HMGCLL1: variants seen among roughly 807,000 people sequenced by gnomAD.
HMGCLL1 encodes 3-hydroxy-3-methylglutaryl-CoA lyase like 1.
A neutral mutation model predicts 39.1 loss-of-function variants in HMGCLL1; 36 were observed. The observed-to-expected ratio is 0.92, with a 90% CI of 0.71 to 1.22. The LOEUF (loss-of-function observed/expected upper bound fraction) is 1.22, where lower values mean the gene tolerates loss of function less well. Among genes scored for constraint, HMGCLL1 ranks in the 50% most tolerant of loss-of-function variants. The pLI is 0.00. For synonymous variants in HMGCLL1, 149 were observed against 144.0 expected (o/e 1.03, Z -0.25); for missense variants, 451 against 416.5 (o/e 1.08, Z -0.72).
rs546783685 is a variant in HMGCLL1 at position 55,501,600 on chromosome 6, T to A, written c.543-2301A>T. 7.8e-4 allele frequency among the ~76,000 whole-genome samples: 118 copies of A among 151,994 alleles called. No individual in the cohort carries two copies. The Middle Eastern group carries it at 0.01, about 13-fold the overall frequency. ...CTGGACTTCTGCTCTTCTCCAACAA[T>A]CTATTACAGTGGTTCTCAACCTTGG... On this transcript the variant is annotated intron_variant, in intron 5 of 8. Transcript: ENST00000274901.
At chr6:55,537,118 G>C (rs1291874922) in intron 3 of HMGCLL1, among the ~76,000 whole-genome samples, 1 of 91,040 alleles carries the variant, frequency 1.1e-5, no homozygotes, top group East Asian at 2.9e-4. Flanking sequence ...CAAAATAAGA[G>C]AGTAATATAA....
chr6:55,621,773 C>T, the HMGCLL1 span, among the ~76,000 whole-genome samples: 1 of 152,044 alleles, frequency 6.6e-6, no homozygotes, highest in African/African-American at 2.4e-5. Flanking sequence ...CCCCTCACAC[C>T]AGTCCATCAT....
At chr6:55,660,065 A>T in the HMGCLL1 span, among the ~76,000 whole-genome samples, 1 of 151,800 alleles carries the variant, frequency 6.6e-6, no homozygotes, top group Non-Finnish European at 1.5e-5. Context: ...ATTGTCTTCA[A>T]ATTAGGGAGG....
intron 7 of HMGCLL1, among the ~76,000 whole-genome samples, chr6:55,457,841 A>T (rs1764391476): frequency 6.6e-6 from 1 of 152,140 alleles, no homozygotes; most frequent in African/African-American, 2.4e-5. Flanking sequence ...TGAGTCACAC[A>T]TCCATCTGTG....
At chr6:55,626,458 C>G in the HMGCLL1 span, among the ~76,000 whole-genome samples, 1 of 152,000 alleles carries the variant, frequency 6.6e-6, no homozygotes, top group Admixed American at 6.6e-5. Flanking sequence ...TTTTTGAAGT[C>G]GCAATTATAA....
intron 7 of HMGCLL1, among the ~76,000 whole-genome samples, chr6:55,470,521 C>T (rs1261194173): frequency 6.6e-6 from 1 of 151,792 alleles, no homozygotes; most frequent in Admixed American, 6.6e-5. Flanking sequence ...GTTACATTGA[C>T]ATATTTCATT....
At chr6:55,592,503 T>C in the HMGCLL1 span, among the ~76,000 whole-genome samples, 3 of 152,086 alleles carry the variant, frequency 2.0e-5, no homozygotes, top group Non-Finnish European at 4.4e-5. Context: ...ACCTCAGCAC[T>C]ATTGACATTT....
chr6:55,495,240 C>A lies in HMGCLL1; in HGVS notation c.795+179G>T, dbSNP rs78057292. Among the ~76,000 whole-genome samples, 313 of 152,104 alleles carry A rather than the reference C, an allele frequency of 2.1e-3. 2 individuals are homozygous for A. The highest frequency in any genetic ancestry group is 5.2e-3 in the East Asian group (27 of 5,178). Reference sequence around the variant, plus strand: ...AACAGTAATAAGAGATCTTCATTGCCCTAAAAAAATGTGAAATTGACAAAT... The same window carrying A: ...AACAGTAATAAGAGATCTTCATTGCACTAAAAAAATGTGAAATTGACAAAT... On this transcript the variant is annotated intron_variant, in intron 7 of 8. Transcript: ENST00000274901.
chr6:55,511,165 ACAATTTAGAC>A (rs1223350802), intron 5 of HMGCLL1, among the ~76,000 whole-genome samples: 2 of 152,094 alleles, frequency 1.3e-5, no homozygotes, highest in Non-Finnish European at 2.9e-5. Flanking sequence ...TTAACCTTTT[ACAATTTAGAC>A]AGTTAATAGA....
At chr6:55,508,431 A>T (rs1221005447) in intron 5 of HMGCLL1, among the ~76,000 whole-genome samples, 1 of 151,836 alleles carries the variant, frequency 6.6e-6, no homozygotes, top group Non-Finnish European at 1.5e-5. Context: ...GTTAAATAAG[A>T]TTAGAAATAA....
rs12332977 is a variant in HMGCLL1 at position 55,435,531 on chromosome 6, T to G, written c.*131A>C. Reference sequence around the variant, plus strand: ...TTAATCTATCCAGTTATAATCTTTTTGAAAAGGATCTCTTTTTTCCCACTC... The same window carrying G: ...TTAATCTATCCAGTTATAATCTTTTGGAAAAGGATCTCTTTTTTCCCACTC... On this transcript the variant is annotated 3_prime_UTR_variant, in exon 9 of 9. Coordinates refer to ENST00000274901, the MANE Select transcript of HMGCLL1 (RefSeq NM_001042406.2). The G allele has an allele frequency of 0.025, 11,599 of 470,416 alleles. 804 individuals carry two copies. The highest frequency in any genetic ancestry group is 0.18 in the African/African-American group (8,914 of 50,382). 29.1% of individuals were successfully genotyped at this position (470,416 alleles called of 1,614,324 possible).
At chr6:55,673,189 C>T in the HMGCLL1 span, among the ~76,000 whole-genome samples, 1 of 151,912 alleles carries the variant, frequency 6.6e-6, no homozygotes, top group Admixed American at 6.6e-5. Context: ...GGTGTGTCTC[C>T]TCATAGCTCC....
intron 3 of HMGCLL1, among the ~76,000 whole-genome samples, chr6:55,532,809 T>A (rs1021905041): frequency 4.7e-3 from 33 of 7,034 alleles, no homozygotes; most frequent in Non-Finnish European, 9.7e-3. Flanking sequence ...TCAAACATAA[T>A]AATAATAATA....
At chr6:55,527,183 A>T (rs1768365877) in intron 3 of HMGCLL1, among the ~76,000 whole-genome samples, 1 of 152,092 alleles carries the variant, frequency 6.6e-6, no homozygotes, top group Non-Finnish European at 1.5e-5. Context: ...TCAAAGGCAG[A>T]GCTCCTAGAG....
chr6:55,440,970 CTA>C (rs1224202625), intron 7 of HMGCLL1, among the ~76,000 whole-genome samples: 1 of 152,098 alleles, frequency 6.6e-6, no homozygotes, highest in African/African-American at 2.4e-5. Flanking sequence ...TCAGTTTTCT[CTA>C]TGGTTAACAT....
chr6:55,603,384 T>C, the HMGCLL1 span, among the ~76,000 whole-genome samples: 8 of 152,232 alleles, frequency 5.3e-5, no homozygotes, highest in East Asian at 5.8e-4. Context: ...AGTTAACAAA[T>C]TCCACTTTTT....
At chr6:55,578,523 C>G (rs139791879) in intron 1 of HMGCLL1, among the ~76,000 whole-genome samples, 3 of 152,214 alleles carry the variant, frequency 2.0e-5, no homozygotes, top group Non-Finnish European at 2.9e-5. Context: ...AACCTTCTAC[C>G]GGTTTCATTC....
At chr6:55,660,444 C>A in the HMGCLL1 span, among the ~76,000 whole-genome samples, 2 of 151,782 alleles carry the variant, frequency 1.3e-5, no homozygotes, top group Non-Finnish European at 2.9e-5. Flanking sequence ...ATTTAGCTCC[C>A]ACTTATAAAT....
At chr6:55,533,633 T>C (rs563849227) in intron 3 of HMGCLL1, among the ~76,000 whole-genome samples, 1 of 152,022 alleles carries the variant, frequency 6.6e-6, no homozygotes, top group East Asian at 1.9e-4. Flanking sequence ...ACGTCTGTAA[T>C]CCCAGCACTT....
Sources: gnomAD v4.1 joint callset for allele counts (sites outside exome capture counted in the v4.1 genomes callset) on GRCh38, gnomAD v4.1.1 for gene constraint, MANE v1.5 for transcripts, NCBI Gene and HGNC (gene_info 2026-07-23, HGNC 2026-07-21) for gene names.